Variants in NCALD observed in about 807,000 individuals in gnomAD.
NCALD encodes neurocalcin-delta.
A neutral mutation model predicts 18.6 loss-of-function variants in NCALD; 10 were observed. The ratio of observed to expected loss-of-function variants is 0.54; its 90% CI spans 0.33 to 0.91. The LOEUF (loss-of-function observed/expected upper bound fraction) is 0.91, where lower values mean the gene tolerates loss of function less well. NCALD is among the 40% of genes least tolerant of loss of function. The pLI is 0.03. For synonymous variants in NCALD, 88 were observed against 87.4 expected, an observed-to-expected ratio of 1.01 and a Z score of -0.04; for missense variants, 184 against 247.6, an observed-to-expected ratio of 0.74 and a Z score of 1.72.
At chr8:101,978,239 T>C (rs530111606) in intron 2 of NCALD, among the ~76,000 whole-genome samples, 1 of 152,344 alleles carries the variant, frequency 6.6e-6, no homozygotes, top group East Asian at 1.9e-4. Context: ...TTTGCTAATT[T>C]AAACAGAACC....
intron 4 of NCALD, among the ~76,000 whole-genome samples, chr8:101,858,032 T>C (rs966642195): frequency 7.9e-5 from 12 of 152,160 alleles, no homozygotes; most frequent in African/African-American, 2.9e-4. Flanking sequence ...GGAGAGCAAT[T>C]TGATTAAAAC....
intron 2 of NCALD, among the ~76,000 whole-genome samples, chr8:102,007,056 G>A (rs1586913785): frequency 6.6e-6 from 1 of 152,126 alleles, no homozygotes; most frequent in African/African-American, 2.4e-5. Context: ...TAAAAATGCA[G>A]ATTCAAGGAA....
chr8:102,099,015 C>T (rs1825189952), intron 1 of NCALD, among the ~76,000 whole-genome samples: 1 of 152,144 alleles, frequency 6.6e-6, no homozygotes, highest in South Asian at 2.1e-4. Context: ...GTTGGCTTCC[C>T]TATTGGAGAG....
intron 3 of NCALD, among the ~76,000 whole-genome samples, chr8:101,900,457 G>A (rs1340103195): frequency 6.6e-6 from 1 of 151,804 alleles, no homozygotes; most frequent in African/African-American, 2.4e-5. Flanking sequence ...ATCAATTTGA[G>A]ACTTTCCTCT....
At chr8:101,844,346 G>T (rs571445446) in intron 4 of NCALD, among the ~76,000 whole-genome samples, 3 of 148,642 alleles carry the variant, frequency 2.0e-5, no homozygotes, top group Admixed American at 6.8e-5. Context: ...CATCTGAAAT[G>T]CAACTCTAAA....
In NCALD at chr8:101,937,066, CTA is replaced by C. The variant is rs149066960; in HGVS notation, c.-156-21210_-156-21209del. On this transcript the variant is annotated intron_variant, in intron 2 of 6. Transcript: ENST00000311028. ...ATCACAGAGATGACTAGCAAGCTTT[CTA>C]TGTTTTCTTGTGAATGAATAAACCA... 1.1e-3 allele frequency among the ~76,000 whole-genome samples: 166 copies of C among 152,272 alleles called. 1 individual carries two copies. Among genetic ancestry groups the C allele is most frequent in the African/African-American group, 3.6e-3 (150 of 41,560 alleles).
intron 2 of NCALD, among the ~76,000 whole-genome samples, chr8:101,713,617 G>T (rs1320718736): frequency 1.3e-5 from 2 of 152,080 alleles, no homozygotes; most frequent in Non-Finnish European, 2.9e-5. Flanking sequence ...TGATCCTACA[G>T]AAATACAAAC....
intron 1 of NCALD, among the ~76,000 whole-genome samples, chr8:102,048,116 TTAAC>T (rs1257933480): frequency 2.0e-5 from 3 of 152,188 alleles, no homozygotes; most frequent in Admixed American, 1.3e-4. Flanking sequence ...ATATAATTAA[TTAAC>T]TAATTACTAA....
At chr8:102,005,594 A>C (rs1821670198) in intron 2 of NCALD, among the ~76,000 whole-genome samples, 1 of 152,192 alleles carries the variant, frequency 6.6e-6, no homozygotes, top group African/African-American at 2.4e-5. Flanking sequence ...TTATTGCGGC[A>C]CTATTGACAA....
At chr8:101,909,891 G>A (rs1817732492) in intron 3 of NCALD, among the ~76,000 whole-genome samples, 1 of 152,166 alleles carries the variant, frequency 6.6e-6, no homozygotes, top group South Asian at 2.1e-4. Flanking sequence ...CCCATAGCAA[G>A]CAACGTATGC....
At chr8:102,050,435 T>C (rs986890465) in intron 1 of NCALD, among the ~76,000 whole-genome samples, 3 of 150,840 alleles carry the variant, frequency 2.0e-5, no homozygotes, top group African/African-American at 4.8e-5. Flanking sequence ...CACTAAAAAG[T>C]GAAATAACTA....
intron 3 of NCALD, chr8:101,690,510 T>C: frequency 1.0e-6 from 1 of 985,372 alleles, no homozygotes; most frequent in Non-Finnish European, 1.2e-6. Context: ...GCCTCCAGTA[T>C]CTATCTTTTG....
intron 1 of NCALD, among the ~76,000 whole-genome samples, chr8:101,780,359 C>T (rs1811961066): frequency 6.6e-6 from 1 of 152,140 alleles, no homozygotes; most frequent in African/African-American, 2.4e-5. Flanking sequence ...TCTAAAACAT[C>T]TGTCATGAAA....
intron 1 of NCALD, among the ~76,000 whole-genome samples, chr8:102,025,276 G>C (rs759252228): frequency 2.6e-5 from 4 of 152,168 alleles, no homozygotes; most frequent in Non-Finnish European, 5.9e-5. Context: ...GACCTCCCAT[G>C]ATGCCCACCC....
intron 4 of NCALD, among the ~76,000 whole-genome samples, chr8:101,829,742 T>C (rs916831924): frequency 6.6e-6 from 1 of 152,204 alleles, no homozygotes; most frequent in Admixed American, 6.5e-5. Flanking sequence ...TACCCTAAAC[T>C]GAAACATTGA....
intron 3 of NCALD, among the ~76,000 whole-genome samples, chr8:101,903,197 A>ATT (rs5893589): frequency 1.4e-4 from 20 of 141,026 alleles, no homozygotes; most frequent in African/African-American, 1.9e-4. Flanking sequence ...ACTTTTAGGA[A>ATT]TTTTTTTTTT....
chr8:102,054,034 C>T (rs1410473152), intron 1 of NCALD, among the ~76,000 whole-genome samples: 1 of 152,178 alleles, frequency 6.6e-6, no homozygotes, highest in East Asian at 1.9e-4. Flanking sequence ...TAGAACATGT[C>T]AATGGTGATT....
At chr8:101,697,454 T>A (rs573974469) in intron 2 of NCALD, among the ~76,000 whole-genome samples, 114 of 152,254 alleles carry the variant, frequency 7.5e-4, no homozygotes, top group African/African-American at 2.6e-3. Flanking sequence ...ATGAGGCTAG[T>A]ATCATTTTGA....
chr8:101,893,484 T>A (rs1284519282), intron 3 of NCALD, among the ~76,000 whole-genome samples: 1 of 136,950 alleles, frequency 7.3e-6, no homozygotes, highest in East Asian at 2.1e-4. Flanking sequence ...GCTAACATCA[T>A]AATGACAGGA....
Sources: gnomAD v4.1 joint callset for allele counts (sites outside exome capture counted in the v4.1 genomes callset) on GRCh38, gnomAD v4.1.1 for gene constraint, MANE v1.5 for transcripts, NCBI Gene and HGNC (gene_info 2026-07-23, HGNC 2026-07-21) for gene names.